Variants in KIF26B observed in about 807,000 individuals in gnomAD.
The protein encoded by KIF26B is kinesin-like protein KIF26B.
A neutral mutation model predicts 151.2 loss-of-function variants in KIF26B; 63 were observed. The observed-to-expected ratio is 0.42, with a 90% CI of 0.34 to 0.51. The LOEUF is 0.51. Ranked by LOEUF, KIF26B falls within the 20% of genes least tolerant of loss-of-function variation. The probability of loss-of-function intolerance (pLI) is 0.07; values close to 1 mark genes in which losing one functional copy is unlikely to be tolerated. For missense variants in KIF26B, 2,813 were observed against 2,913.6 expected (o/e 0.97, Z 0.79); for synonymous variants, 1,357 against 1,262.1 (o/e 1.08, Z -1.59).
At chr1:245,680,104 A>G (rs539700973) in intron 10 of KIF26B, among the ~76,000 whole-genome samples, 51 of 151,640 alleles carry the variant, frequency 3.4e-4, no homozygotes. Context: ...TGCCCTGGAA[A>G]CTCTTTTGAA....
chr1:245,331,943 T>C (rs1172799269), intron 2 of KIF26B, among the ~76,000 whole-genome samples: 1 of 152,024 alleles, frequency 6.6e-6, no homozygotes, highest in African/African-American at 2.4e-5. Context: ...CTGGCCAACA[T>C]GGCAAAACCC....
intron 4 of KIF26B, among the ~76,000 whole-genome samples, chr1:245,465,921 C>T (rs1371487947): frequency 6.6e-6 from 1 of 152,204 alleles, no homozygotes; most frequent in Admixed American, 6.5e-5. Flanking sequence ...CATCCTGAAG[C>T]CAGAAGGAAG....
chr1:245,383,315 G>A (rs1315309769), intron 3 of KIF26B, among the ~76,000 whole-genome samples: 3 of 152,014 alleles, frequency 2.0e-5, no homozygotes, highest in Admixed American at 6.6e-5. Context: ...TTAGAAAACC[G>A]AGGCATCCCT....
At chr1:245,314,366 C>T (rs192284270) in intron 2 of KIF26B, among the ~76,000 whole-genome samples, 42 of 152,176 alleles carry the variant, frequency 2.8e-4, no homozygotes, top group South Asian at 1.7e-3. Context: ...GCAGGAGAAT[C>T]GCTTGAACCC....
At chr1:245,525,386 G>A (rs1339568887) in intron 4 of KIF26B, among the ~76,000 whole-genome samples, 1 of 152,134 alleles carries the variant, frequency 6.6e-6, no homozygotes, top group Admixed American at 6.6e-5. Flanking sequence ...CTCAGTGTTT[G>A]TTGTTATTAG....
intron 5 of KIF26B, among the ~76,000 whole-genome samples, chr1:245,557,559 T>G (rs1662069845): frequency 6.6e-6 from 1 of 152,204 alleles, no homozygotes; most frequent in Non-Finnish European, 1.5e-5. Context: ...GGTTTGGGGC[T>G]GTGGGAGCAC....
intron 5 of KIF26B, among the ~76,000 whole-genome samples, chr1:245,566,102 T>C (rs1391799714): frequency 2.0e-5 from 3 of 152,208 alleles, no homozygotes; most frequent in African/African-American, 7.2e-5. Context: ...TCCAGTCACC[T>C]CCCAGCAGGC....
intron 9 of KIF26B, 128 bp from the exon 10 acceptor site, chr1:245,645,993 G>C: frequency 1.0e-6 from 1 of 953,668 alleles, no homozygotes; most frequent in Non-Finnish European, 1.5e-6. Flanking sequence ...TTTCCTAGTA[G>C]GTCATGAACG....
In KIF26B at chr1:245,650,700, G is replaced by T. The variant is rs566255343; in HGVS notation, c.2258+4420G>T. Among the ~76,000 whole-genome samples, 5 of 152,302 alleles carry T rather than the reference G, an allele frequency of 3.3e-5. No individual in the cohort carries two copies. The South Asian group carries it at 1.0e-3, about 32-fold the overall frequency. On this transcript the variant is annotated intron_variant, in intron 10 of 14. Transcript: ENST00000407071. ...CTTTAATGGGTCATATGACCTGTTT[G>T]CTTATTTGCCAACACAGTGTTTCTA...
At chr1:245,402,272 A>G (rs1284477490) in intron 3 of KIF26B, among the ~76,000 whole-genome samples, 1 of 152,374 alleles carries the variant, frequency 6.6e-6, no homozygotes, top group East Asian at 1.9e-4. Flanking sequence ...ATTGTAGGTC[A>G]TCTCCCACTC....
intron 4 of KIF26B, among the ~76,000 whole-genome samples, chr1:245,514,164 A>T (rs1406829406): frequency 1.3e-5 from 2 of 152,208 alleles, no homozygotes; most frequent in Non-Finnish European, 1.5e-5. Context: ...CTATTCCACA[A>T]TGTGTACATA....
In KIF26B at chr1:245,424,929, C is replaced by CT. The variant is rs201769563; in HGVS notation, c.1166+5193dup. 4.5e-3 allele frequency among the ~76,000 whole-genome samples: 667 copies of CT among 147,258 alleles called. 3 individuals are homozygous for CT. The highest frequency in any genetic ancestry group is 0.016 in the African/African-American group (619 of 38,628). On this transcript the variant is annotated intron_variant, in intron 4 of 14. Transcript: ENST00000407071. Reference sequence around the variant, plus strand: ...TTGCTTCAGAATTTCAGTACCTTCCCTTTTTTTTTCGAGAAAAGACACTGT... The same window carrying CT: ...TTGCTTCAGAATTTCAGTACCTTCCCTTTTTTTTTTCGAGAAAAGACACTGT...
chr1:245,369,638 G>A (rs1021799304), intron 3 of KIF26B, among the ~76,000 whole-genome samples: 2 of 152,188 alleles, frequency 1.3e-5, no homozygotes, highest in Non-Finnish European at 2.9e-5. Context: ...TAGAGAAATG[G>A]ACTGATTGTG....
At chr1:245,562,349 A>G (rs2042964706) in intron 5 of KIF26B, among the ~76,000 whole-genome samples, 2 of 152,138 alleles carry the variant, frequency 1.3e-5, no homozygotes, top group South Asian at 4.1e-4. Flanking sequence ...TATACTTTCA[A>G]TATAGGAGGA....
At chr1:245,191,368 G>A (rs183574908) in intron 2 of KIF26B, among the ~76,000 whole-genome samples, 6 of 152,082 alleles carry the variant, frequency 3.9e-5, no homozygotes, top group East Asian at 1.9e-4. Flanking sequence ...CCAGCTACTC[G>A]GGAGGCTGAG....
At chr1:245,215,701 G>A (rs545405213) in intron 2 of KIF26B, among the ~76,000 whole-genome samples, 8 of 152,282 alleles carry the variant, frequency 5.3e-5, no homozygotes, top group Middle Eastern at 3.4e-3. Context: ...TAGGGTATGT[G>A]CTGGATCTGG....
At chr1:245,671,452 A>G (rs1189850060) in intron 10 of KIF26B, among the ~76,000 whole-genome samples, 1 of 152,204 alleles carries the variant, frequency 6.6e-6, no homozygotes, top group African/African-American at 2.4e-5. Flanking sequence ...GACACAAAGT[A>G]GAATGGTGGT....
At chr1:245,504,140 G>A (rs1056956166) in intron 4 of KIF26B, among the ~76,000 whole-genome samples, 4 of 152,278 alleles carry the variant, frequency 2.6e-5, no homozygotes, top group Admixed American at 6.5e-5. Context: ...GTGCCACAGC[G>A]TGGGAAGAGA....
Position 245,197,123 on chromosome 1 carries a change from T to G in KIF26B, c.465+40440T>G, listed in dbSNP as rs147157995. Among the ~76,000 whole-genome samples the G allele has an allele frequency of 5.4e-3, 817 of 152,348 alleles. 4 individuals carry two copies. Among genetic ancestry groups the G allele is most frequent in the Middle Eastern group, 0.027 (8 of 294 alleles). ...CACCCGACCAATTATTTGCCCACAG[T>G]AGGCCCATCATAAATATTTGGTGAT... is the stretch of plus-strand genomic sequence containing the variant. On this transcript the variant is annotated intron_variant, in intron 2 of 14. Transcript: ENST00000407071.
Sources: allele counts gnomAD v4.1 joint callset (sites outside exome capture counted in the v4.1 genomes callset), GRCh38; gene constraint gnomAD v4.1.1; transcripts MANE v1.5; gene names NCBI Gene and HGNC (gene_info 2026-07-23, HGNC 2026-07-21).